The following GRM5 variants were observed in gnomAD, a reference collection of about 807,000 sequenced individuals.
The protein encoded by GRM5 is glutamate metabotropic receptor 5, also known as metabotropic glutamate receptor 5.
GRM5 carries 19 observed loss-of-function variants against 83.1 expected under a neutral mutation model. That is an observed-to-expected ratio of 0.23 (90% CI 0.16 to 0.34). GRM5 has a LOEUF of 0.34. Ranked by LOEUF, GRM5 falls within the 10% of genes least tolerant of loss-of-function variation. The probability of loss-of-function intolerance (pLI) is 1.00; values close to 1 mark genes in which losing one functional copy is unlikely to be tolerated. For missense variants in GRM5, 1,160 were observed against 1,588.3 expected (o/e 0.73, Z 4.58); for synonymous variants, 675 against 633.6 (o/e 1.07, Z -0.98).
At chr11:88,540,086 G>C (rs1268434474) in intron 8 of GRM5, among the ~76,000 whole-genome samples, 2 of 152,110 alleles carry the variant, frequency 1.3e-5, no homozygotes, top group South Asian at 2.1e-4. Context: ...TGAAATGCAA[G>C]GCAGTACTAT....
At chr11:88,886,672 T>C (rs1211923258) in intron 2 of GRM5, among the ~76,000 whole-genome samples, 1 of 152,096 alleles carries the variant, frequency 6.6e-6, no homozygotes, top group East Asian at 1.9e-4. Context: ...TCCAAAGGTA[T>C]TTGGACGGAC....
intron 2 of GRM5, among the ~76,000 whole-genome samples, chr11:88,998,486 T>C (rs1591034728): frequency 6.6e-6 from 1 of 152,304 alleles, no homozygotes; most frequent in South Asian, 2.1e-4. Context: ...TTATACTTCA[T>C]GTTGAAAGAC....
intron 2 of GRM5, among the ~76,000 whole-genome samples, chr11:88,875,834 C>G (rs1944844387): frequency 6.6e-6 from 1 of 152,048 alleles, no homozygotes; most frequent in African/African-American, 2.4e-5. Flanking sequence ...TAGTTCTTAA[C>G]TGTGGGCTTA....
chr11:88,578,050 T>C (rs1943149230), intron 7 of GRM5, among the ~76,000 whole-genome samples: 1 of 152,074 alleles, frequency 6.6e-6, no homozygotes, highest in African/African-American at 2.4e-5. Context: ...AAGTGCCTGT[T>C]TTATTAGATT....
At chr11:88,740,407 A>T (rs569332287) in intron 3 of GRM5, among the ~76,000 whole-genome samples, 3 of 152,196 alleles carry the variant, frequency 2.0e-5, no homozygotes, top group African/African-American at 7.2e-5. Context: ...AGACTATTAA[A>T]TATATCTTGG....
chr11:88,664,503 A>G (rs550851721), intron 3 of GRM5, among the ~76,000 whole-genome samples: 2 of 152,118 alleles, frequency 1.3e-5, no homozygotes, highest in East Asian at 3.9e-4. Context: ...CTGGAATGCA[A>G]TGGCATGATC....
At chr11:88,966,443 T>A (rs1591003593) in intron 2 of GRM5, among the ~76,000 whole-genome samples, 1 of 152,088 alleles carries the variant, frequency 6.6e-6, no homozygotes, top group African/African-American at 2.4e-5. Context: ...AAAACTCTAG[T>A]CATACTGGCA....
intron 2 of GRM5, among the ~76,000 whole-genome samples, chr11:88,944,230 T>A (rs533227870): frequency 7.9e-5 from 12 of 152,064 alleles, no homozygotes; most frequent in African/African-American, 2.6e-4. Context: ...AGCCAGATTA[T>A]AAGGAATTTC....
At chr11:88,777,966 A>G (rs1942893578) in intron 3 of GRM5, among the ~76,000 whole-genome samples, 1 of 152,134 alleles carries the variant, frequency 6.6e-6, no homozygotes, top group African/African-American at 2.4e-5. Context: ...ATGCCATGCT[A>G]GGAGAACACC....
chr11:88,543,968 A>G (rs1942333261), intron 8 of GRM5, among the ~76,000 whole-genome samples: 1 of 152,246 alleles, frequency 6.6e-6, no homozygotes, highest in South Asian at 2.1e-4. Context: ...CTCTGCCCTC[A>G]CGAATGGATT....
Position 88,845,423 on chromosome 11 carries a change from C to CTT in GRM5, c.911+4481_911+4482dup, listed in dbSNP as rs71046265. ...AGGCTACAGTACAGTATAAACATAA[C>CTT]TTTTTTTTTTTTTTTTTTTTTTTTT... On this transcript the variant is annotated intron_variant, in intron 3 of 9. Transcript: ENST00000305447. Among the ~76,000 whole-genome samples the CTT allele has an allele frequency of 2.9e-3, 265 of 92,390 alleles. 43 individuals carry two copies. The highest frequency in any genetic ancestry group is 0.011 in the African/African-American group (243 of 22,184). 60.6% of individuals were successfully genotyped at this position (92,390 alleles called of 152,430 possible).
intron 2 of GRM5, 115 bp from the exon 3 acceptor site, chr11:88,850,270 C>T: frequency 1.3e-6 from 1 of 783,082 alleles, no homozygotes; most frequent in Non-Finnish European, 2.1e-6. Context: ...GGACTTGCAA[C>T]CTGAAGACCT....
intron 3 of GRM5, among the ~76,000 whole-genome samples, chr11:88,659,010 A>G (rs1186783754): frequency 6.6e-6 from 1 of 152,196 alleles, no homozygotes; most frequent in African/African-American, 2.4e-5. Context: ...GCTGTCGGAG[A>G]TGAAGGTTAG....
intron 4 of GRM5, among the ~76,000 whole-genome samples, chr11:88,611,688 A>G (rs184123027): frequency 3.3e-5 from 5 of 152,224 alleles, no homozygotes; most frequent in Non-Finnish European, 7.4e-5. Flanking sequence ...GATGTTTTGT[A>G]TGGATTTTCA....
intron 2 of GRM5, among the ~76,000 whole-genome samples, chr11:88,990,024 A>C (rs1939904959): frequency 6.6e-6 from 1 of 151,880 alleles, no homozygotes; most frequent in African/African-American, 2.4e-5. Context: ...AGCAGAACTG[A>C]AGGAAGTAGA....
At chr11:88,631,951 T>C (rs1041527320) in intron 4 of GRM5, among the ~76,000 whole-genome samples, 6 of 152,148 alleles carry the variant, frequency 3.9e-5, no homozygotes, top group Admixed American at 3.3e-4. Flanking sequence ...AAAGGACAAA[T>C]AGATATTTGT....
intron 2 of GRM5, among the ~76,000 whole-genome samples, chr11:88,883,650 G>A (rs866054127): frequency 3.3e-5 from 5 of 152,104 alleles, no homozygotes; most frequent in Admixed American, 6.6e-5. Context: ...AAGACAGTGG[G>A]GAAAATGTCT....
rs933144020 is a variant in GRM5 at position 88,509,579 on chromosome 11, G to A, written c.2727-75C>T. On this transcript the variant is annotated intron_variant, in intron 9 of 9. Transcript: ENST00000305447. ...CTTGGATGCCGCTTCCCCAATGGTG[G>A]TTGCTCATGGGCCCCGGACTGGGGA... The A allele has an allele frequency of 4.7e-6, 5 of 1,058,578 alleles. No individual in the cohort carries two copies. In the Admixed American group the frequency reaches 9.9e-5, roughly 21 times the overall value. 65.6% of individuals were successfully genotyped at this position (1,058,578 alleles called of 1,614,324 possible). A position where few individuals can be genotyped will look rare whatever the true frequency, so the allele number is the denominator to read the frequency against.
At position 88,633,057 on chromosome 11, in the gene GRM5, G is replaced by C. The variant is rs769721982; in HGVS notation, c.1147+20111C>G. On this transcript the variant is annotated intron_variant, in intron 4 of 9. Transcript: ENST00000305447. ...AGTCATTTTATCAAAGAAGATGTAT[G>C]GTTGGCAGATAGGTATAGGAGATGC... 2.0e-5 allele frequency among the ~76,000 whole-genome samples: 3 copies of C among 152,124 alleles called. 1 individual carries two copies. In the South Asian group the frequency reaches 6.2e-4, roughly 32 times the overall value.
Sources: gnomAD v4.1 joint callset for allele counts (sites outside exome capture counted in the v4.1 genomes callset) on GRCh38, gnomAD v4.1.1 for gene constraint, MANE v1.5 for transcripts, NCBI Gene and HGNC (gene_info 2026-07-23, HGNC 2026-07-21) for gene names.